Variants in GABRB1 observed in about 807,000 individuals in gnomAD.
GABRB1 encodes gamma-aminobutyric acid type A receptor subunit beta1.
A neutral mutation model predicts 51.6 loss-of-function variants in GABRB1; 17 were observed. The ratio of observed to expected loss-of-function variants is 0.33; its 90% CI spans 0.23 to 0.49. The LOEUF (loss-of-function observed/expected upper bound fraction) is 0.49, where lower values mean the gene tolerates loss of function less well. Ranked by LOEUF, GABRB1 falls within the 20% of genes least tolerant of loss-of-function variation. GABRB1 has a pLI of 0.99. For synonymous variants in GABRB1, 247 were observed against 218.9 expected (o/e 1.13, Z -1.14); for missense variants, 410 against 600.6 (o/e 0.68, Z 3.32).
At chr4:47,019,667 C>CTTTCTTTCTTTCTTTCTT (rs1724861586) in intron 1 of GABRB1, among the ~76,000 whole-genome samples, 1 of 136,562 alleles carries the variant, frequency 7.3e-6, no homozygotes, top group Non-Finnish European at 1.6e-5. Flanking sequence ...TTCTTTCTTT[C>CTTTCTTTCTTTCTTTCTT]TTTCTTTCTT....
intron 4 of GABRB1, among the ~76,000 whole-genome samples, chr4:47,219,801 G>T (rs763227746): frequency 6.6e-6 from 1 of 151,754 alleles, no homozygotes; most frequent in Non-Finnish European, 1.5e-5. Flanking sequence ...CACAGACTAC[G>T]TTGTTTATTT....
At chr4:47,352,493 T>A (rs1726389042) in intron 5 of GABRB1, among the ~76,000 whole-genome samples, 1 of 152,186 alleles carries the variant, frequency 6.6e-6, no homozygotes, top group Non-Finnish European at 1.5e-5. Context: ...ATATCCTTGA[T>A]GATCATTGAT....
At chr4:47,380,765 A>G (rs992527396) in intron 5 of GABRB1, among the ~76,000 whole-genome samples, 1 of 152,222 alleles carries the variant, frequency 6.6e-6, no homozygotes, top group Admixed American at 6.5e-5. Flanking sequence ...TATTCAATGA[A>G]GATTGGGAAT....
intron 4 of GABRB1, among the ~76,000 whole-genome samples, chr4:47,262,440 A>G (rs1722477249): frequency 6.6e-6 from 1 of 152,198 alleles, no homozygotes; most frequent in Admixed American, 6.5e-5. Context: ...GACACATGAA[A>G]AAATGCTCAT....
At chr4:47,115,540 A>G (rs1281573620) in intron 3 of GABRB1, among the ~76,000 whole-genome samples, 1 of 152,058 alleles carries the variant, frequency 6.6e-6, no homozygotes, top group Non-Finnish European at 1.5e-5. Flanking sequence ...GTTTAATGAT[A>G]TATTCAACTT....
chr4:47,015,787 A>C (rs1724725527), intron 1 of GABRB1, among the ~76,000 whole-genome samples: 1 of 152,240 alleles, frequency 6.6e-6, no homozygotes, highest in African/African-American at 2.4e-5. Context: ...TTATCCATAC[A>C]GTCCCTGCAA....
At chr4:47,020,615 A>G (rs1724902279) in intron 1 of GABRB1, among the ~76,000 whole-genome samples, 1 of 152,042 alleles carries the variant, frequency 6.6e-6, no homozygotes, top group Non-Finnish European at 1.5e-5. Flanking sequence ...TTTTCCTCAC[A>G]TCTATATCCT....
intron 3 of GABRB1, among the ~76,000 whole-genome samples, chr4:47,116,088 T>C (rs965399479): frequency 1.3e-5 from 2 of 152,220 alleles, no homozygotes; most frequent in African/African-American, 4.8e-5. Flanking sequence ...TTTGAAAATA[T>C]GCAAGTAGCC....
intron 5 of GABRB1, among the ~76,000 whole-genome samples, chr4:47,335,306 G>T (rs1725657123): frequency 6.6e-6 from 1 of 151,872 alleles, no homozygotes. Flanking sequence ...CCCTATTCTT[G>T]TTGTTGTTGC....
At chr4:47,039,122 T>C (rs1725720312) in intron 3 of GABRB1, among the ~76,000 whole-genome samples, 2 of 151,940 alleles carry the variant, frequency 1.3e-5, no homozygotes, top group South Asian at 4.2e-4. Flanking sequence ...GGTGAAATCT[T>C]ATAAAAAAGG....
In GABRB1 at chr4:47,295,443, G is replaced by A. The variant is rs533467057; in HGVS notation, c.462-24684G>A. On this transcript the variant is annotated intron_variant, in intron 4 of 8. Coordinates refer to ENST00000295454, the MANE Select transcript of GABRB1 (RefSeq NM_000812.4). ...CTGATGGAGCTGAAAGCCAAGGCTC[G>A]AGAACTACATGAAGAATGCAGAAGC... 2.6e-3 allele frequency among the ~76,000 whole-genome samples: 390 copies of A among 152,270 alleles called. 1 individual carries two copies. Among genetic ancestry groups the A allele is most frequent in the African/African-American group, 8.9e-3 (368 of 41,540 alleles).
intron 5 of GABRB1, among the ~76,000 whole-genome samples, chr4:47,345,576 A>G (rs573092952): frequency 1.3e-4 from 20 of 152,328 alleles, no homozygotes; most frequent in African/African-American, 4.8e-4. Flanking sequence ...GGATGAAAAT[A>G]AATCTAATGT....
chr4:47,237,795 T>C (rs1299680726), intron 4 of GABRB1, among the ~76,000 whole-genome samples: 1 of 151,966 alleles, frequency 6.6e-6, no homozygotes, highest in Non-Finnish European at 1.5e-5. Flanking sequence ...TGCTTTACTA[T>C]CATAATAGAA....
chr4:47,333,247 A>T (rs1311339944), intron 5 of GABRB1, among the ~76,000 whole-genome samples: 2 of 142,624 alleles, frequency 1.4e-5, no homozygotes, highest in Admixed American at 7.2e-5. Flanking sequence ...CACACCACGT[A>T]TTAATATGAA....
intron 3 of GABRB1, among the ~76,000 whole-genome samples, chr4:47,139,656 C>G (rs1359704006): frequency 6.6e-6 from 1 of 151,990 alleles, no homozygotes; most frequent in Non-Finnish European, 1.5e-5. Context: ...TTGACATTGA[C>G]AGGATTGAAA....
At chr4:47,105,052 A>C (rs1714899730) in intron 3 of GABRB1, among the ~76,000 whole-genome samples, 1 of 152,030 alleles carries the variant, frequency 6.6e-6, no homozygotes, top group Admixed American at 6.6e-5. Flanking sequence ...GACTGAGTTA[A>C]ATATTATTTG....
chr4:47,169,712 G>A (rs2109752143), intron 4 of GABRB1, among the ~76,000 whole-genome samples: 1 of 152,228 alleles, frequency 6.6e-6, no homozygotes, highest in Non-Finnish European at 1.5e-5. Flanking sequence ...ATGTTAGCCA[G>A]GCTGGTCTCG....
rs1720230147 is a variant in GABRB1 at position 47,208,570 on chromosome 4, G to A, written c.461+47101G>A. On this transcript the variant is annotated intron_variant, in intron 4 of 8. Transcript: ENST00000295454. ...AAACATTGAATTGTATACTTTAAAT[G>A]GGTGAGTTGCATGGTATGTGAATTA... Among the ~76,000 whole-genome samples the A allele has an allele frequency of 2.0e-5, 3 of 152,026 alleles. No individual in the cohort carries two copies. The South Asian group carries it at 6.2e-4, about 32-fold the overall frequency.
At chr4:47,262,347 G>GA (rs951976149) in intron 4 of GABRB1, among the ~76,000 whole-genome samples, 220 of 151,690 alleles carry the variant, frequency 1.5e-3, no homozygotes, top group African/African-American at 4.9e-3. Context: ...AAATTTACAA[G>GA]AAAAAAACAA....
Sources: gnomAD v4.1 joint callset for allele counts (sites outside exome capture counted in the v4.1 genomes callset) on GRCh38, gnomAD v4.1.1 for gene constraint, MANE v1.5 for transcripts, NCBI Gene and HGNC (gene_info 2026-07-23, HGNC 2026-07-21) for gene names.